DMC1: variants seen among roughly 807,000 people sequenced by gnomAD.
DMC1 encodes the protein DNA meiotic recombinase 1, also known as meiotic recombination protein DMC1 homolog.
DMC1 carries 27 observed loss-of-function variants against 50.1 expected under a neutral mutation model. The ratio of observed to expected loss-of-function variants is 0.54; its 90% CI spans 0.40 to 0.74. DMC1 has a LOEUF of 0.74. Ranked by LOEUF, DMC1 falls within the 30% of genes least tolerant of loss-of-function variation. The pLI is 0.00. For missense variants in DMC1, 295 were observed against 420.2 expected (o/e 0.70, Z 2.60); for synonymous variants, 148 against 136.1 (o/e 1.09, Z -0.61).
intron 4 of DMC1, among the ~76,000 whole-genome samples, 153 bp from the exon 5 acceptor site, chr22:38,562,522 T>C (rs1397476177): frequency 6.6e-6 from 1 of 152,190 alleles, no homozygotes; most frequent in Non-Finnish European, 1.5e-5. Context: ...AGATTATGGT[T>C]AGGAACACAG....
At chr22:38,563,506 T>C (rs2090549768) in intron 4 of DMC1, among the ~76,000 whole-genome samples, 1 of 152,070 alleles carries the variant, frequency 6.6e-6, no homozygotes, top group Admixed American at 6.6e-5. Flanking sequence ...TAACTTCCTT[T>C]CTTTCTCTCC....
chr22:38,545,334 C>T (rs2090331768), intron 8 of DMC1, among the ~76,000 whole-genome samples: 1 of 152,184 alleles, frequency 6.6e-6, no homozygotes, highest in Non-Finnish European at 1.5e-5. Context: ...TCACTTGAGT[C>T]CTGGATGTTG....
rs757107730 is a variant in DMC1, at chr22:38,521,590, A to ACACACACCACACACAC, written c.953+17_953+18insGTGTGTGTGGTGTGTG. ...ACACACACACACACACACACACACAAAATAAAAAAAAATTTACCTGTCATA... is the reference window on the plus strand; with the variant it reads ...ACACACACACACACACACACACACAACACACACCACACACACAATAAAAAAAAATTTACCTGTCATA... On this transcript the variant is annotated intron_variant, in intron 13 of 13. Transcript: ENST00000216024. 1 of 1,423,850 alleles carries ACACACACCACACACAC rather than the reference A, an allele frequency of 7.0e-7. No individual in the cohort carries two copies. The highest frequency in any genetic ancestry group is 1.7e-5 in the Admixed American group (1 of 57,760). The allele number at this position is 1,423,850 out of a possible 1,614,324, so 88.2% of individuals were successfully genotyped here. A position where few individuals can be genotyped will look rare whatever the true frequency, so the allele number is the denominator to read the frequency against.
At chr22:38,565,271 T>C (rs956460470) in intron 4 of DMC1, among the ~76,000 whole-genome samples, 5 of 150,850 alleles carry the variant, frequency 3.3e-5, no homozygotes, top group South Asian at 4.2e-4. Flanking sequence ...AGAGGGGATT[T>C]GACTCCAGAG....
chr22:38,542,459 A>G (rs1354950317), intron 8 of DMC1, among the ~76,000 whole-genome samples: 1 of 152,210 alleles, frequency 6.6e-6, no homozygotes, highest in Non-Finnish European at 1.5e-5. Flanking sequence ...TACAATAGCT[A>G]CAAATAAAAT....
chr22:38,566,236 T>A (rs1352035812), intron 4 of DMC1, among the ~76,000 whole-genome samples: 1 of 143,736 alleles, frequency 7.0e-6, no homozygotes, highest in African/African-American at 2.7e-5. Context: ...ATCACGCCAC[T>A]GCACTCTGGC....
At chr22:38,543,741 G>A (rs1414273277) in intron 8 of DMC1, among the ~76,000 whole-genome samples, 1 of 152,086 alleles carries the variant, frequency 6.6e-6, no homozygotes, top group Admixed American at 6.6e-5. Context: ...TCCATGCTGA[G>A]TCTCCCCTGG....
downstream of DMC1, among the ~76,000 whole-genome samples, chr22:38,517,045 A>G (rs1017553227): frequency 6.6e-6 from 1 of 152,096 alleles, no homozygotes; most frequent in South Asian, 2.1e-4. Flanking sequence ...TGAAATTTCA[A>G]TAGGCTCTAA....
At chr22:38,557,956 CTTTTTTTTT>C (rs753724944) in intron 5 of DMC1, among the ~76,000 whole-genome samples, 2 of 62,714 alleles carry the variant, frequency 3.2e-5, no homozygotes, top group Non-Finnish European at 3.0e-5. Context: ...AGACAAAGTT[CTTTTTTTTT>C]TTTTTTTTTT....
In DMC1 at chr22:38,566,535, T is replaced by C. The variant is rs557109168; in HGVS notation, c.243+55A>G. The C allele has an allele frequency of 4.8e-5, 77 of 1,600,394 alleles. No individual in the cohort carries two copies. In the South Asian group the frequency reaches 8.2e-4, roughly 17 times the overall value. On this transcript the variant is annotated intron_variant, in intron 4 of 13. Transcript: ENST00000216024. ...TTTCTAGTTTTCATGAGAAAGCCTA[T>C]AAAGATTCACAAGGCCCTGCCAAGC...
At chr22:38,539,035 CA>C (rs201990795) in intron 9 of DMC1, among the ~76,000 whole-genome samples, 2,153 of 112,334 alleles carry the variant, frequency 0.019, 36 homozygotes, top group African/African-American at 0.055. Context: ...GACTCCATCT[CA>C]AAAAAAAAAA....
intron 12 of DMC1, among the ~76,000 whole-genome samples, chr22:38,530,032 C>A (rs771626340): frequency 2.6e-5 from 4 of 152,170 alleles, no homozygotes; most frequent in Non-Finnish European, 5.9e-5. Flanking sequence ...GTCACATGAT[C>A]TCAGCTCACT....
chr22:38,529,019 C>T (rs1484413704), intron 12 of DMC1, among the ~76,000 whole-genome samples: 2 of 147,958 alleles, frequency 1.4e-5, no homozygotes, highest in Non-Finnish European at 3.0e-5. Context: ...TTCTTTCTTT[C>T]TTTTTTTTTT....
chr22:38,555,510 A>G (rs531110732), intron 5 of DMC1, 101 bp from the exon 6 acceptor site: 159 of 784,712 alleles, frequency 2.0e-4, no homozygotes, highest in Non-Finnish European at 3.2e-4. Flanking sequence ...CTATGTATCT[A>G]TCTATCTATT....
intron 6 of DMC1, 95 bp downstream of exon 6, chr22:38,555,262 G>T (rs565527300): frequency 1.6e-5 from 13 of 802,934 alleles, no homozygotes; most frequent in Non-Finnish European, 2.3e-5. Context: ...ATTTATTATT[G>T]GTTGTTTATT....
the DMC1 span, among the ~76,000 whole-genome samples, chr22:38,512,610 T>C: frequency 1.3e-5 from 2 of 152,080 alleles, no homozygotes; most frequent in African/African-American, 4.8e-5. Flanking sequence ...GGAAAGCACG[T>C]GAAGAGTATG....
chr22:38,521,853 G>GGCTT, intron 12 of DMC1, 129 bp from the exon 13 acceptor site: 1 of 753,762 alleles, frequency 1.3e-6, no homozygotes, highest in South Asian at 1.4e-5. Context: ...AACAAGCAGA[G>GGCTT]GCTTGTTCAT....
chr22:38,519,129 T>G lies in DMC1; in HGVS notation c.*891A>C, dbSNP rs1016629479. Reference sequence around the variant, plus strand: ...TAGGCTGGAGTGCAGTGGTGCCATCTTGGCTCACCGCAATCTCTGCCTCCT... The same window carrying G: ...TAGGCTGGAGTGCAGTGGTGCCATCGTGGCTCACCGCAATCTCTGCCTCCT... On this transcript the variant is annotated 3_prime_UTR_variant, in exon 14 of 14. Transcript: ENST00000216024. 2.0e-5 allele frequency: 3 copies of G among 152,130 alleles called. No homozygotes were observed. The highest frequency in any genetic ancestry group is 4.8e-5 in the African/African-American group (2 of 41,384). 9.4% of individuals were successfully genotyped at this position (152,130 alleles called of 1,614,324 possible).
chr22:38,514,783 A>G (rs1168573881), downstream of DMC1, among the ~76,000 whole-genome samples: 1 of 152,096 alleles, frequency 6.6e-6, no homozygotes, highest in Non-Finnish European at 1.5e-5. Context: ...GTATGGTCTA[A>G]AAGGAGAGGA....
Sources: gnomAD v4.1 joint callset for allele counts (sites outside exome capture counted in the v4.1 genomes callset) on GRCh38, gnomAD v4.1.1 for gene constraint, MANE v1.5 for transcripts, NCBI Gene and HGNC (gene_info 2026-07-23, HGNC 2026-07-21) for gene names.